RALYL: variants seen among roughly 807,000 people sequenced by gnomAD.
RALYL encodes RNA-binding Raly-like protein.
A neutral mutation model predicts 35.1 loss-of-function variants in RALYL; 29 were observed. The ratio of observed to expected loss-of-function variants is 0.83; its 90% CI spans 0.61 to 1.13. The LOEUF (loss-of-function observed/expected upper bound fraction) is 1.13, where lower values mean the gene tolerates loss of function less well. Ranked by LOEUF, RALYL falls within the 50% of genes most tolerant of loss-of-function variation. The pLI is 0.00. For missense variants in RALYL, 359 were observed against 360.4 expected (o/e 1.00, Z 0.03); for synonymous variants, 120 against 127.6 (o/e 0.94, Z 0.40).
chr8:84,365,063 G>A (rs1853933756), intron 1 of RALYL, among the ~76,000 whole-genome samples: 1 of 152,038 alleles, frequency 6.6e-6, no homozygotes, highest in South Asian at 2.1e-4. Flanking sequence ...ACTGGTACAT[G>A]GTTGGTTCTT....
intron 1 of RALYL, among the ~76,000 whole-genome samples, chr8:84,419,950 G>A (rs1478768986): frequency 4.6e-5 from 7 of 150,736 alleles, no homozygotes; most frequent in Non-Finnish European, 8.9e-5. Flanking sequence ...TATCATTGTT[G>A]GACATTTGGG....
intron 1 of RALYL, among the ~76,000 whole-genome samples, chr8:84,264,373 G>A (rs748758360): frequency 4.0e-5 from 6 of 150,742 alleles, no homozygotes; most frequent in Non-Finnish European, 8.9e-5. Context: ...CAGTGATGTT[G>A]AGCTTTTTTC....
intron 2 of RALYL, among the ~76,000 whole-genome samples, chr8:84,622,338 T>G (rs1821719751): frequency 6.6e-6 from 1 of 151,064 alleles, no homozygotes; most frequent in Admixed American, 6.6e-5. Flanking sequence ...GCTTTATTGG[T>G]AATGTTAAAG....
intron 2 of RALYL, among the ~76,000 whole-genome samples, chr8:84,673,968 C>A (rs142929692): frequency 5.3e-5 from 8 of 152,128 alleles, no homozygotes; most frequent in African/African-American, 1.9e-4. Flanking sequence ...TTGCTTTGGG[C>A]AGTATGGCTA....
chr8:84,606,360 C>G (rs1817144865), intron 2 of RALYL, among the ~76,000 whole-genome samples: 1 of 152,134 alleles, frequency 6.6e-6, no homozygotes, highest in African/African-American at 2.4e-5. Flanking sequence ...TTGGTCACTA[C>G]TGACCTTGAG....
chr8:84,544,919 T>C (rs2060257316), intron 2 of RALYL, among the ~76,000 whole-genome samples: 3 of 152,076 alleles, frequency 2.0e-5, no homozygotes, highest in Non-Finnish European at 2.9e-5. Context: ...GTATTTCTCT[T>C]ATTATAAGTG....
Position 84,529,458 on chromosome 8 carries a change from G to A in RALYL, c.137G>A (p.Gly46Glu), listed in dbSNP as rs567857079. 2 of 1,613,680 alleles carry A rather than the reference G, an allele frequency of 1.2e-6. No individual in the cohort carries two copies. Among genetic ancestry groups the A allele is most frequent in the Non-Finnish European group, 8.5e-7 (1 of 1,179,790 alleles). The change falls in exon 2 of 9, where the codon GGA (glycine) becomes GAA (glutamate). Residue 46 changes from glycine (G) to glutamate (E), a missense_variant. Gly to Glu is a moderately conservative substitution (Grantham distance 98). Coordinates refer to ENST00000521268, the MANE Select transcript of RALYL (RefSeq NM_173848.7). ...ATTGAAGCCATTTTTTCAAAGTATG[G>A]AAAAATAGTTGGATGTTCCGTTCAC... is the stretch of plus-strand genomic sequence containing the variant. ...VDIEAIFSKY[G>E]KIVGCSVHKG...
At position 84,881,590 on chromosome 8, in the gene RALYL, C is replaced by T. The variant is rs75284934; in HGVS notation, c.686-6014C>T. Among the ~76,000 whole-genome samples, 842 of 152,010 alleles carry T rather than the reference C, an allele frequency of 5.5e-3. 7 individuals are homozygous for T. Among genetic ancestry groups the T allele is most frequent in the African/African-American group, 0.019 (772 of 41,514 alleles). On this transcript the variant is annotated intron_variant, in intron 7 of 8. Coordinates refer to ENST00000521268, the MANE Select transcript of RALYL (RefSeq NM_173848.7). The stretch of plus-strand genomic sequence containing the variant: ...AACAATTCTAACTTGTTTTCTGAAT[C>T]GTAGATAGCTTTTTGAAGTAGAGAT...
At chr8:84,221,839 C>A (rs1346533461) in intron 1 of RALYL, among the ~76,000 whole-genome samples, 1 of 151,992 alleles carries the variant, frequency 6.6e-6, no homozygotes, top group Non-Finnish European at 1.5e-5. Flanking sequence ...ATTCTGTATT[C>A]TTGGAATTCT....
intron 3 of RALYL, among the ~76,000 whole-genome samples, chr8:84,775,176 G>A (rs968150333): frequency 2.5e-4 from 38 of 152,096 alleles, no homozygotes; most frequent in Middle Eastern, 3.4e-3. Context: ...GGTTGATCTC[G>A]AACTTCTGAC....
intron 1 of RALYL, among the ~76,000 whole-genome samples, chr8:84,189,335 T>G (rs1563501818): frequency 6.6e-6 from 1 of 152,164 alleles, no homozygotes; most frequent in Non-Finnish European, 1.5e-5. Flanking sequence ...AACTTCAGAG[T>G]GGGAATTGAT....
chr8:84,540,556 TA>T (rs35073307), intron 2 of RALYL, among the ~76,000 whole-genome samples: 54,495 of 151,384 alleles, frequency 0.36, 9,974 homozygotes, highest in South Asian at 0.51. Context: ...CCCATCATGA[TA>T]AAAAAAAGTG....
chr8:84,498,821 A>T (rs1230262449), intron 1 of RALYL, among the ~76,000 whole-genome samples: 1 of 152,186 alleles, frequency 6.6e-6, no homozygotes, highest in Non-Finnish European at 1.5e-5. Context: ...TCATATGATT[A>T]AATTTCCTGA....
At chr8:84,311,090 A>AAAAAAAAAAAAAAAAAATAT (rs1554614840) in intron 1 of RALYL, among the ~76,000 whole-genome samples, 1 of 99,720 alleles carries the variant, frequency 1.0e-5, no homozygotes, top group African/African-American at 3.6e-5. Context: ...AAAAAAAAAA[A>AAAAAAAAAAAAAAAAAATAT]ATGTATATTA....
intron 2 of RALYL, among the ~76,000 whole-genome samples, chr8:84,683,394 C>A (rs1441553842): frequency 1.3e-5 from 2 of 152,082 alleles, no homozygotes; most frequent in Non-Finnish European, 2.9e-5. Context: ...TCCTGGATAA[C>A]CTTGTTAACT....
chr8:84,578,083 C>A (rs1809905959), intron 2 of RALYL, among the ~76,000 whole-genome samples: 1 of 152,216 alleles, frequency 6.6e-6, no homozygotes, highest in South Asian at 2.1e-4. Context: ...GATCCCATGC[C>A]TGCCAAGGGT....
intron 1 of RALYL, among the ~76,000 whole-genome samples, chr8:84,333,861 C>A (rs942508581): frequency 6.6e-6 from 1 of 151,938 alleles, no homozygotes; most frequent in African/African-American, 2.4e-5. Context: ...GGGGTGGGGG[C>A]AGCTTGAAAG....
intron 1 of RALYL, among the ~76,000 whole-genome samples, chr8:84,394,335 G>T (rs555718748): frequency 1.3e-5 from 2 of 152,146 alleles, no homozygotes; most frequent in East Asian, 3.9e-4. Context: ...CTAGTACAAT[G>T]ATATTCATGA....
At chr8:84,650,045 T>G (rs56160308) in intron 2 of RALYL, among the ~76,000 whole-genome samples, 29,616 of 152,048 alleles carry the variant, frequency 0.19, 3,109 homozygotes, top group Non-Finnish European at 0.23. Flanking sequence ...TTGAAGCAAT[T>G]GTGAATGGGA....
Sources: gnomAD v4.1 joint callset for allele counts (sites outside exome capture counted in the v4.1 genomes callset) on GRCh38, gnomAD v4.1.1 for gene constraint, MANE v1.5 for transcripts, NCBI Gene and HGNC (gene_info 2026-07-23, HGNC 2026-07-21) for gene names.